Variants in SLC5A1 observed in about 807,000 individuals in gnomAD.
SLC5A1 encodes the protein sodium/glucose cotransporter 1.
Under a neutral mutation model 73.5 loss-of-function variants are expected in SLC5A1, and 42 were observed. That is an observed-to-expected ratio of 0.57 (90% CI 0.45 to 0.74). The LOEUF (loss-of-function observed/expected upper bound fraction) is 0.74, where lower values mean the gene tolerates loss of function less well. SLC5A1 is among the 30% of genes least tolerant of loss of function. The pLI is 0.00. For missense variants in SLC5A1, 634 were observed against 855.4 expected (o/e 0.74, Z 3.23); for synonymous variants, 300 against 317.4 (o/e 0.95, Z 0.58).
chr22:32,091,717 A>C lies in SLC5A1; in HGVS notation c.1235A>C (p.Lys412Thr). The change falls in exon 11 of 15, where the codon AAG (lysine) becomes ACG (threonine). Residue 412 changes from lysine (K) to threonine (T), a missense_variant. This residue lies in a region of SLC5A1 where 422 missense variants were observed against 626.1 expected (regional missense o/e 0.67). Coordinates refer to ENST00000266088, the MANE Select transcript of SLC5A1 (RefSeq NM_000343.4). ...CTCTTCACCATGGACATCTACGCCAAGGTCCGCAAGAGAGCATCTGAGAAA... is the reference window on the plus strand; with the variant it reads ...CTCTTCACCATGGACATCTACGCCACGGTCCGCAAGAGAGCATCTGAGAAA... ...STLFTMDIYA[K>T]VRKRASEKEL... is the part of the protein sequence containing the mutation. 6.2e-7 allele frequency: 1 copy of C among 1,614,090 alleles called. No homozygotes were observed. The highest frequency in any genetic ancestry group is 8.5e-7 in the Non-Finnish European group (1 of 1,179,990).
At chr22:32,070,008 T>TG (rs2093980167) in intron 5 of SLC5A1, among the ~76,000 whole-genome samples, 1 of 152,062 alleles carries the variant, frequency 6.6e-6, no homozygotes, top group South Asian at 2.1e-4. Flanking sequence ...GCTAACTCTC[T>TG]GGGGGATGTT....
chr22:32,106,024 G>A (rs138266705), intron 14 of SLC5A1, among the ~76,000 whole-genome samples: 32 of 152,298 alleles, frequency 2.1e-4, no homozygotes, highest in African/African-American at 7.5e-4. Flanking sequence ...CTTAGCCATT[G>A]TAAACAGTGC....
intron 7 of SLC5A1, among the ~76,000 whole-genome samples, chr22:32,083,503 T>G (rs2094003223): frequency 6.6e-6 from 1 of 152,224 alleles, no homozygotes; most frequent in South Asian, 2.1e-4. Flanking sequence ...AAGCTAAATC[T>G]AGTCAAATGT....
intron 10 of SLC5A1, 37 bp from the exon 11 acceptor site, chr22:32,091,575 T>C: frequency 6.2e-7 from 1 of 1,612,640 alleles, no homozygotes; most frequent in South Asian, 1.1e-5. Context: ...GAGCTGAAGG[T>C]GCTGTTATGT....
At chr22:32,059,801 A>G (rs2093957638) in intron 2 of SLC5A1, among the ~76,000 whole-genome samples, 3 of 152,096 alleles carry the variant, frequency 2.0e-5, no homozygotes, top group African/African-American at 7.2e-5. Context: ...CAAGATTTTG[A>G]GTAGCTTCAG....
In SLC5A1 at chr22:32,110,495, G is replaced by T; in HGVS notation, c.*282G>T. ...AGGCAGACTAAGAATCAGAAGCCAT[G>T]TGATTGATGTCTGACGTGAGTCTGT... On this transcript the variant is annotated 3_prime_UTR_variant, in exon 15 of 15. Coordinates refer to ENST00000266088, the MANE Select transcript of SLC5A1 (RefSeq NM_000343.4). The T allele has an allele frequency of 2.0e-6, 1 of 490,022 alleles. No individual in the cohort carries two copies. The highest frequency in any genetic ancestry group is 3.7e-6 in the Non-Finnish European group (1 of 267,338). 30.4% of individuals were successfully genotyped at this position (490,022 alleles called of 1,614,324 possible).
intron 2 of SLC5A1, among the ~76,000 whole-genome samples, chr22:32,063,574 C>G (rs1433731785): frequency 6.6e-6 from 1 of 152,168 alleles, no homozygotes; most frequent in Non-Finnish European, 1.5e-5. Flanking sequence ...GGAAGACCAC[C>G]TGACAGGCCC....
intron 8 of SLC5A1, 58 bp from the exon 9 acceptor site, chr22:32,084,842 C>G (rs1414616213): frequency 5.6e-6 from 9 of 1,610,446 alleles, no homozygotes; most frequent in Non-Finnish European, 6.8e-6. Flanking sequence ...CTAGGAAGTA[C>G]AAAGGTGTCA....
At chr22:32,065,830 T>C (rs769628972) in intron 2 of SLC5A1, among the ~76,000 whole-genome samples, 1 of 152,186 alleles carries the variant, frequency 6.6e-6, no homozygotes, top group Non-Finnish European at 1.5e-5. Flanking sequence ...GGGGCTGGTA[T>C]AGTTAGAACA....
Position 32,110,068 on chromosome 22 carries a change from C to T in SLC5A1, c.1850C>T (p.Ala617Val), listed in dbSNP as rs762685624. The T allele has an allele frequency of 1.5e-5, 24 of 1,613,878 alleles. No homozygotes were observed. The highest frequency in any genetic ancestry group is 1.9e-5 in the Non-Finnish European group (23 of 1,179,886). Residue 617 changes from alanine to valine, a missense_variant, in exon 15 of 15, where the codon GCA (alanine) becomes GTA (valine). Coordinates refer to ENST00000266088, the MANE Select transcript of SLC5A1 (RefSeq NM_000343.4). ...TTTTGTGGGCTAGAGCAGCACGGTGCACCCAAGATGACTGAGGAAGAGGAG... is the reference window on the plus strand; with the variant it reads ...TTTTGTGGGCTAGAGCAGCACGGTGTACCCAAGATGACTGAGGAAGAGGAG... ...DLFCGLEQHGAPKMTEEEEKA... is the reference protein window; with the variant it reads ...DLFCGLEQHGVPKMTEEEEKA...
chr22:32,068,709 C>T (rs2093978220), intron 5 of SLC5A1, 109 bp downstream of exon 5: 5 of 783,960 alleles, frequency 6.4e-6, no homozygotes, highest in Admixed American at 5.9e-5. Context: ...TTAACTTGGC[C>T]CCTTAAGCCT....
chr22:32,058,268 T>A (rs555294811), intron 2 of SLC5A1, among the ~76,000 whole-genome samples: 1 of 152,322 alleles, frequency 6.6e-6, no homozygotes, highest in East Asian at 1.9e-4. Flanking sequence ...ATGCCTATAA[T>A]CCTAGCACTT....
chr22:32,087,075 G>A (rs1446331943), intron 10 of SLC5A1, among the ~76,000 whole-genome samples: 1 of 152,164 alleles, frequency 6.6e-6, no homozygotes, highest in African/African-American at 2.4e-5. Flanking sequence ...GAAGCAGAGA[G>A]TAGAATGGTG....
chr22:32,050,042 A>G (rs1400790780), intron 2 of SLC5A1, 28 bp downstream of exon 2: 12 of 1,578,052 alleles, frequency 7.6e-6, no homozygotes, highest in African/African-American at 2.7e-5. Flanking sequence ...TGCTATTTAC[A>G]TAACTGCTTA....
intron 2 of SLC5A1, among the ~76,000 whole-genome samples, chr22:32,065,581 G>A (rs538433605): frequency 6.6e-6 from 1 of 152,274 alleles, no homozygotes; most frequent in East Asian, 1.9e-4. Context: ...TACAGTATTT[G>A]AATATAAGCT....
At chr22:32,086,146 A>G (rs1230582803) in intron 9 of SLC5A1, 74 bp from the exon 10 acceptor site, 1 of 993,258 alleles carries the variant, frequency 1.0e-6, no homozygotes, top group Non-Finnish European at 1.6e-6. Context: ...GTCTCAAAAA[A>G]AAAAAAAGAA....
chr22:32,105,000 C>T, intron 14 of SLC5A1, 109 bp downstream of exon 14: 1 of 818,818 alleles, frequency 1.2e-6, no homozygotes, highest in Non-Finnish European at 2.1e-6. Context: ...AGATGTCTCC[C>T]CTCCAGGGCA....
chr22:32,091,678 A>G lies in SLC5A1; in HGVS notation c.1196A>G (p.Asn399Ser). The change falls in exon 11 of 15, where the codon AAC (asparagine) becomes AGC (serine). Residue 399 changes from asparagine (N) to serine (S), a missense_variant. Asn to Ser is a conservative substitution (Grantham distance 46, BLOSUM62 1). Around this residue, in one of 3 missense-constraint regions of SLC5A1, gnomAD observed 422 missense variants for 626.1 expected, o/e 0.67. Transcript: ENST00000266088. ...SLMSSLTSIFNSASTLFTMDI... is the reference protein window; with the variant it reads ...SLMSSLTSIFSSASTLFTMDI... ...ATGAGCTCCCTGACCTCCATCTTCA[A>G]CAGCGCCAGCACCCTCTTCACCATG... The G allele has an allele frequency of 6.2e-7, 1 of 1,614,072 alleles. No homozygotes were observed.
chr22:32,105,001 C>T, intron 14 of SLC5A1, 110 bp downstream of exon 14: 1 of 817,010 alleles, frequency 1.2e-6, no homozygotes, highest in Non-Finnish European at 2.1e-6. Flanking sequence ...GATGTCTCCC[C>T]TCCAGGGCAG....
Sources: allele counts gnomAD v4.1 joint callset (sites outside exome capture counted in the v4.1 genomes callset), GRCh38; gene constraint gnomAD v4.1.1; regional missense constraint gnomAD v4.1.1; transcripts MANE v1.5; gene names NCBI Gene and HGNC (gene_info 2026-07-23, HGNC 2026-07-21).